The following SLAMF1 variants were observed in gnomAD, a reference collection of about 807,000 sequenced individuals.
SLAMF1 encodes the protein signaling lymphocytic activation molecule.
SLAMF1 carries 18 observed loss-of-function variants against 35.1 expected under a neutral mutation model. That is an observed-to-expected ratio of 0.51 (90% CI 0.35 to 0.76). SLAMF1 has a LOEUF of 0.76. Ranked by LOEUF, SLAMF1 falls within the 30% of genes least tolerant of loss-of-function variation. SLAMF1 has a pLI of 0.01. For missense variants in SLAMF1, 392 were observed against 413.0 expected (o/e 0.95, Z 0.44); for synonymous variants, 168 against 157.2 (o/e 1.07, Z -0.51).
chr1:160,634,674 G>A lies in SLAMF1; in HGVS notation c.639C>T (p.Asn213=). Residue 213 remains asparagine, a synonymous_variant, in exon 3 of 7, where the codon AAC becomes AAT. Coordinates refer to ENST00000302035, the MANE Select transcript of SLAMF1 (RefSeq NM_003037.5). ...ADNIYICTVS[N]PISNNSQTFS... is the part of the protein sequence containing the mutation. ...AGGTCTGGGAATTGTTGCTGATAGGGTTGCTCACGGTGCAGATGTAGATAT... is the reference window on the plus strand; with the variant it reads ...AGGTCTGGGAATTGTTGCTGATAGGATTGCTCACGGTGCAGATGTAGATAT... 6.2e-7 allele frequency: 1 copy of A among 1,614,112 alleles called. No individual in the cohort carries two copies. Among genetic ancestry groups the A allele is most frequent in the Non-Finnish European group, 8.5e-7 (1 of 1,179,992 alleles).
At chr1:160,612,081 T>C (rs116428960) in intron 6 of SLAMF1, among the ~76,000 whole-genome samples, 2,001 of 152,196 alleles carry the variant, frequency 0.013, 50 homozygotes, top group African/African-American at 0.046. Context: ...AGGGAAACAC[T>C]GGCCAGCAGG....
At chr1:160,636,642 C>G (rs1321198086) in intron 2 of SLAMF1, among the ~76,000 whole-genome samples, 1 of 152,252 alleles carries the variant, frequency 6.6e-6, no homozygotes, top group Non-Finnish European at 1.5e-5. Flanking sequence ...CCAAAAGGCA[C>G]TTCTTCCACC....
Position 160,634,764 on chromosome 1 carries a change from G to C in SLAMF1, c.549C>G (p.His183Gln). Residue 183 changes from histidine to glutamine, a missense_variant, in exon 3 of 7, where the codon CAC becomes CAG. Transcript: ENST00000302035. ...AYSWSEKAGT[H>Q]PLNPANSSHL... ...GGGAGCTGTTGGCTGGGTTCAGTGGGTGGGTGCCCGCCTTTTCACTCCAGC... is the reference window on the plus strand; with the variant it reads ...GGGAGCTGTTGGCTGGGTTCAGTGGCTGGGTGCCCGCCTTTTCACTCCAGC... 1 of 1,614,168 alleles carries C rather than the reference G, an allele frequency of 6.2e-7. No homozygotes were observed. The highest frequency in any genetic ancestry group is 1.1e-5 in the South Asian group (1 of 91,082).
chr1:160,623,602 G>A (rs895358690), intron 4 of SLAMF1: 38 of 399,142 alleles, frequency 9.5e-5, no homozygotes, highest in African/African-American at 7.8e-4. Flanking sequence ...GGAGCACAAT[G>A]CCCTGAGATA....
chr1:160,634,742 A>T lies in SLAMF1; in HGVS notation c.571T>A (p.Ser191Thr). 1.2e-6 allele frequency: 2 copies of T among 1,614,040 alleles called. No individual in the cohort carries two copies. Among genetic ancestry groups the T allele is most frequent in the Non-Finnish European group, 1.7e-6 (2 of 1,180,000 alleles). ...GTHPLNPANS[S>T]HLLSLTLGPQ... ...CCGAGGGTGAGGGACAGGAGGTGGG[A>T]GCTGTTGGCTGGGTTCAGTGGGTGG... Residue 191 changes from serine to threonine, a missense_variant, in exon 3 of 7, where the codon TCC (serine) becomes ACC (threonine). Transcript: ENST00000302035.
intron 3 of SLAMF1, among the ~76,000 whole-genome samples, chr1:160,626,184 AACAG>A (rs1659870647): frequency 6.6e-6 from 1 of 152,198 alleles, no homozygotes; most frequent in South Asian, 2.1e-4. Context: ...AAATAAAACC[AACAG>A]ACAAAGTAGT....
intron 2 of SLAMF1, chr1:160,636,958 A>G: frequency 1.9e-6 from 1 of 516,628 alleles, no homozygotes; most frequent in Non-Finnish European, 3.4e-6. Flanking sequence ...CCTTTGGGAA[A>G]TGGGAGTAAG....
chr1:160,625,900 TATG>T (rs1659859611), intron 3 of SLAMF1, among the ~76,000 whole-genome samples: 1 of 152,124 alleles, frequency 6.6e-6, no homozygotes, highest in East Asian at 1.9e-4. Flanking sequence ...ATTCAAGGTT[TATG>T]ATATCGACAC....
rs1325447395 is a variant in SLAMF1 at position 160,634,811 on chromosome 1, T to C, written c.502A>G (p.Lys168Glu). ...CTLILGCTVE[K>E]GDHVAYSWSE... is the part of the protein sequence containing the mutation. ...CAGCTGTAAGCCACATGGTCCCCCT[T>C]CTCCACTGTGCAGCCCAGTATCAAG... The change falls in exon 3 of 7, where the codon AAG becomes GAG. Residue 168 changes from lysine (K) to glutamate (E), a missense_variant. By Grantham distance (56) the Lys-to-Glu change is moderately conservative. Coordinates refer to ENST00000302035, the MANE Select transcript of SLAMF1 (RefSeq NM_003037.5). 1.9e-6 allele frequency: 3 copies of C among 1,613,972 alleles called. No homozygotes were observed. In the Admixed American group the frequency reaches 5.0e-5, roughly 27 times the overall value.
intron 3 of SLAMF1, among the ~76,000 whole-genome samples, chr1:160,627,883 TG>T (rs1423326553): frequency 6.6e-6 from 1 of 152,060 alleles, no homozygotes; most frequent in Non-Finnish European, 1.5e-5. Flanking sequence ...GTGTCAAGGG[TG>T]GGGCCAGGTG....
intron 5 of SLAMF1, among the ~76,000 whole-genome samples, chr1:160,618,530 C>G (rs1342474089): frequency 1.3e-5 from 2 of 152,076 alleles, no homozygotes; most frequent in Non-Finnish European, 2.9e-5. Flanking sequence ...GCCTGCCCAG[C>G]ACTCTCCTAG....
chr1:160,636,260 C>T (rs1444374685), intron 2 of SLAMF1, among the ~76,000 whole-genome samples: 1 of 152,096 alleles, frequency 6.6e-6, no homozygotes, highest in African/African-American at 2.4e-5. Context: ...TGGGGGAGGG[C>T]CATGGGAATT....
chr1:160,610,699 T>A lies in SLAMF1; in HGVS notation c.*49A>T. ...GCCTGTGGCCAAGTTCAGTGTTCAT[T>A]TTGGTTTTTCCATTTTCCTTCAGAA... On this transcript the variant is annotated 3_prime_UTR_variant, in exon 7 of 7. Coordinates refer to ENST00000302035, the MANE Select transcript of SLAMF1 (RefSeq NM_003037.5). The A allele has an allele frequency of 7.0e-7, 1 of 1,437,514 alleles. No individual in the cohort carries two copies. The highest frequency in any genetic ancestry group is 9.8e-7 in the Non-Finnish European group (1 of 1,019,340). The allele number at this position is 1,437,514 out of a possible 1,614,324, so 89.0% of individuals were successfully genotyped here.
intron 5 of SLAMF1, among the ~76,000 whole-genome samples, chr1:160,618,414 G>C (rs1659427990): frequency 6.6e-6 from 1 of 152,052 alleles, no homozygotes; most frequent in African/African-American, 2.4e-5. Context: ...GTGTGTGTGT[G>C]TGTGTGTGTA....
intron 1 of SLAMF1, 107 bp from the exon 2 acceptor site, chr1:160,637,636 C>T: frequency 1.2e-6 from 1 of 808,560 alleles, no homozygotes; most frequent in Non-Finnish European, 1.9e-6. Context: ...TCCTCTTTGG[C>T]TATCCCTGGG....
chr1:160,629,110 C>T (rs1210322501), intron 3 of SLAMF1, among the ~76,000 whole-genome samples: 2 of 152,142 alleles, frequency 1.3e-5, no homozygotes, highest in African/African-American at 4.8e-5. Context: ...TAGAGGCGGC[C>T]GAGCAGGCTG....
Position 160,637,448 on chromosome 1 carries a change from T to C in SLAMF1, c.158A>G (p.Asn53Ser), listed in dbSNP as rs780472986. The C allele has an allele frequency of 3.1e-6, 5 of 1,614,172 alleles. No individual in the cohort carries two copies. The Admixed American group carries it at 6.7e-5, about 22-fold the overall frequency. Residue 53 changes from asparagine (N) to serine (S), a missense_variant, in exon 2 of 7, where the codon AAT becomes AGT. Transcript: ENST00000302035. ...VLLPLTYERI[N>S]KSMNKSIHIV... is the part of the protein sequence containing the mutation. ...GTGGATGCTTTTGTTCATGCTCTTA[T>C]TTATCCTTTCATATGTCAGGGGCAG... is the stretch of plus-strand genomic sequence containing the variant.
intron 3 of SLAMF1, among the ~76,000 whole-genome samples, chr1:160,626,763 C>T (rs1659905299): frequency 6.6e-6 from 1 of 152,122 alleles, no homozygotes; most frequent in Admixed American, 6.6e-5. Context: ...TTGACTCAAA[C>T]CTTTTGAGTC....
At chr1:160,622,010 CAA>C (rs1410864216) in intron 4 of SLAMF1, among the ~76,000 whole-genome samples, 1 of 151,982 alleles carries the variant, frequency 6.6e-6, no homozygotes, top group African/African-American at 2.4e-5. Flanking sequence ...GTAGTGGCTA[CAA>C]ATAGAGTAGA....
Sources: gnomAD v4.1 joint callset for allele counts (sites outside exome capture counted in the v4.1 genomes callset) on GRCh38, gnomAD v4.1.1 for gene constraint, MANE v1.5 for transcripts, NCBI Gene and HGNC (gene_info 2026-07-23, HGNC 2026-07-21) for gene names.